Variants in STK33 observed in about 807,000 individuals in gnomAD.
STK33 encodes the protein serine/threonine kinase 33.
Under a neutral mutation model 58.0 loss-of-function variants are expected in STK33, and 52 were observed. The ratio of observed to expected loss-of-function variants is 0.90; its 90% confidence interval spans 0.72 to 1.13. The LOEUF is 1.13. Among genes scored for constraint, STK33 ranks in the 50% most tolerant of loss-of-function variants. The pLI is 0.00. For synonymous variants in STK33, 215 were observed against 200.1 expected (o/e 1.07, Z -0.63); for missense variants, 630 against 604.2 (o/e 1.04, Z -0.45).
intron 15 of STK33, among the ~76,000 whole-genome samples, chr11:8,400,003 G>A (rs1850099660): frequency 6.6e-6 from 1 of 152,148 alleles, no homozygotes; most frequent in African/African-American, 2.4e-5. Context: ...AAAAAGTCCA[G>A]GACCAGATGG....
chr11:8,413,551 G>C lies in STK33; in HGVS notation c.1288C>G (p.Pro430Ala). ...STEEKLKSYQ[P>A]WGNVPDANYT... The stretch of plus-strand genomic sequence containing the variant: ...TTGGCATCAGGGACATTTCCCCAGG[G>C]TTGGTAACTTTTCAACTTTTCTTCA... Residue 430 changes from proline (P) to alanine (A), a missense_variant, in exon 15 of 16, where the codon CCC becomes GCC. Physicochemically the swap from Pro to Ala is conservative, Grantham distance 27. Transcript: ENST00000687296. 6.2e-7 allele frequency: 1 copy of C among 1,613,954 alleles called. No homozygotes were observed. Among genetic ancestry groups the C allele is most frequent in the African/African-American group, 1.3e-5 (1 of 75,002 alleles).
the STK33 span, among the ~76,000 whole-genome samples, chr11:8,354,474 T>C: frequency 1.6e-5 from 2 of 124,680 alleles, no homozygotes; most frequent in Non-Finnish European, 3.3e-5. Context: ...CTGCAAAACC[T>C]CACACACACA....
In STK33 at chr11:8,475,062, G is replaced by C; in HGVS notation, c.-157C>G. The C allele has an allele frequency of 1.9e-6, 1 of 536,258 alleles. No individual in the cohort carries two copies. Among genetic ancestry groups the C allele is most frequent in the Non-Finnish European group, 3.2e-6 (1 of 315,538 alleles). 33.2% of individuals were successfully genotyped at this position (536,258 alleles called of 1,614,324 possible). On this transcript the variant is annotated 5_prime_UTR_variant, in exon 5 of 16. Transcript: ENST00000687296. The stretch of plus-strand genomic sequence containing the variant: ...ATGCACTAGACACATATTCACACGT[G>C]AGAGCTGCAGAAAGAAAAGAAATAA...
chr11:8,408,757 T>G (rs554727858), intron 15 of STK33, among the ~76,000 whole-genome samples: 57 of 152,330 alleles, frequency 3.7e-4, no homozygotes, highest in Non-Finnish European at 7.2e-4. Context: ...AGTGCAAGGA[T>G]GCAAAGCACA....
chr11:8,467,095 G>A (rs1948276439), intron 6 of STK33: 1 of 152,242 alleles, frequency 6.6e-6, no homozygotes, highest in South Asian at 2.1e-4. Flanking sequence ...GGTAATGGGA[G>A]GGGCTGCTGT....
chr11:8,470,660 T>C (rs764581528), intron 6 of STK33, among the ~76,000 whole-genome samples: 5 of 152,198 alleles, frequency 3.3e-5, no homozygotes, highest in Non-Finnish European at 7.3e-5. Flanking sequence ...CATGTGACTC[T>C]TCCTTTCACT....
At chr11:8,348,418 G>A in the STK33 span, among the ~76,000 whole-genome samples, 1 of 152,096 alleles carries the variant, frequency 6.6e-6, no homozygotes, top group Non-Finnish European at 1.5e-5. Flanking sequence ...CAAGCGAAAG[G>A]GGAAGCCCCT....
rs1343529468 is a variant in STK33, at chr11:8,434,367, T to C, written c.1146+1127A>G. 8.5e-5 allele frequency: 13 copies of C among 153,576 alleles called. No individual in the cohort carries two copies. In the East Asian group the frequency reaches 2.3e-3, roughly 27 times the overall value. The allele number at this position is 153,576 out of a possible 1,614,324, so 9.5% of individuals were successfully genotyped here. A position where few individuals can be genotyped will look rare whatever the true frequency, so the allele number is the denominator to read the frequency against. ...CAAATAATAGATTTATAATTTTTAA[T>C]AGATGAATACTCTCTAGTAATATTC... On this transcript the variant is annotated intron_variant, in intron 14 of 15. Transcript: ENST00000687296.
chr11:8,476,399 A>C (rs1425638490), intron 4 of STK33, among the ~76,000 whole-genome samples: 1 of 152,224 alleles, frequency 6.6e-6, no homozygotes, highest in Non-Finnish European at 1.5e-5. Context: ...AATGACAAAG[A>C]AATTTTGTTG....
In STK33 at chr11:8,474,968, G is replaced by T; in HGVS notation, c.-63C>A. 6.8e-7 allele frequency: 1 copy of T among 1,476,046 alleles called. No homozygotes were observed. Among genetic ancestry groups the T allele is most frequent in the East Asian group, 2.3e-5 (1 of 43,448 alleles). The allele number at this position is 1,476,046 out of a possible 1,614,324, so 91.4% of individuals were successfully genotyped here. A position where few individuals can be genotyped will look rare whatever the true frequency, so the allele number is the denominator to read the frequency against. ...TTCCACTGTTTGAGGAAGAAAACCA[G>T]GCCAAAAAGGATAAGGTAGTTGATG... On this transcript the variant is annotated 5_prime_UTR_variant, in exon 5 of 16. It adds an upstream start codon to the 5' untranslated region. Transcript: ENST00000687296.
At chr11:8,405,555 G>C (rs1338533456) in intron 15 of STK33, among the ~76,000 whole-genome samples, 1 of 152,096 alleles carries the variant, frequency 6.6e-6, no homozygotes, top group Admixed American at 6.6e-5. Flanking sequence ...ATGAGCAAAT[G>C]TGTTTTATTT....
intron 2 of STK33, among the ~76,000 whole-genome samples, chr11:8,477,993 A>C (rs989155645): frequency 1.3e-5 from 2 of 152,186 alleles, no homozygotes; most frequent in African/African-American, 4.8e-5. Context: ...GCTGCATGCA[A>C]AATTTCTTGA....
intron 1 of STK33, among the ~76,000 whole-genome samples, chr11:8,501,490 T>C (rs753011618): frequency 1.3e-5 from 2 of 152,156 alleles, no homozygotes; most frequent in Non-Finnish European, 2.9e-5. Context: ...AGATATCACT[T>C]CACATTCACT....
At chr11:8,386,580 G>A in the STK33 span, among the ~76,000 whole-genome samples, 1 of 152,180 alleles carries the variant, frequency 6.6e-6, no homozygotes, top group African/African-American at 2.4e-5. Context: ...CCAGGGGGAG[G>A]TGGCACCATC....
the STK33 span, among the ~76,000 whole-genome samples, chr11:8,336,793 T>C: frequency 6.6e-6 from 1 of 152,224 alleles, no homozygotes; most frequent in South Asian, 2.1e-4. Context: ...CCAGTCTGCC[T>C]CCTGGGCTAA....
At chr11:8,391,700 A>C (rs1848632372), downstream of STK33, among the ~76,000 whole-genome samples, 1 of 152,230 alleles carries the variant, frequency 6.6e-6, no homozygotes, top group African/African-American at 2.4e-5. Flanking sequence ...CCAGGTGGAA[A>C]GGAGATGTCT....
At chr11:8,433,771 C>T (rs1464229850) in intron 14 of STK33, 2 of 152,240 alleles carry the variant, frequency 1.3e-5, no homozygotes, top group East Asian at 3.9e-4. Context: ...CAACTCCTAT[C>T]AATTATACCT....
the STK33 span, among the ~76,000 whole-genome samples, chr11:8,351,782 G>A: frequency 2.1e-3 from 315 of 152,210 alleles, 4 homozygotes; most frequent in African/African-American, 7.0e-3. Context: ...ATTCCACCTC[G>A]GCCTCGCACT....
intron 15 of STK33, among the ~76,000 whole-genome samples, chr11:8,396,539 C>T (rs1849372498): frequency 6.6e-6 from 1 of 152,194 alleles, no homozygotes; most frequent in Admixed American, 6.5e-5. Flanking sequence ...GTCTACAGCT[C>T]CCAGCGTGAG....
Sources: gnomAD v4.1 joint callset for allele counts (sites outside exome capture counted in the v4.1 genomes callset) on GRCh38, gnomAD v4.1.1 for gene constraint, MANE v1.5 for transcripts, NCBI Gene and HGNC (gene_info 2026-07-23, HGNC 2026-07-21) for gene names.